NDNF: variants seen among roughly 807,000 people sequenced by gnomAD.
The protein encoded by NDNF is neuron derived neurotrophic factor.
NDNF carries 16 observed loss-of-function variants against 42.0 expected under a neutral mutation model. That is an observed-to-expected ratio of 0.38 (90% CI 0.26 to 0.58). The LOEUF is 0.58. NDNF is among the 20% of genes least tolerant of loss of function. NDNF has a pLI of 0.67. For synonymous variants in NDNF, 248 were observed against 251.7 expected, an observed-to-expected ratio of 0.99 and a Z score of 0.14; for missense variants, 616 against 666.2, an observed-to-expected ratio of 0.92 and a Z score of 0.83.
chr4:121,056,426 T>C (rs1467965307), intron 1 of NDNF, among the ~76,000 whole-genome samples: 1 of 152,216 alleles, frequency 6.6e-6, no homozygotes, highest in Non-Finnish European at 1.5e-5. Flanking sequence ...TTTTCATACA[T>C]TTTGCAATAC....
chr4:121,054,241 T>C (rs1235114613), intron 1 of NDNF, among the ~76,000 whole-genome samples: 2 of 152,166 alleles, frequency 1.3e-5, no homozygotes, highest in African/African-American at 2.4e-5. Flanking sequence ...TCTGAAAAAA[T>C]ATGTATCTTA....
At chr4:121,039,029 G>T (rs935591453) in intron 3 of NDNF, 5 of 145,482 alleles carry the variant, frequency 3.4e-5, no homozygotes, top group African/African-American at 1.3e-4. Flanking sequence ...TCTGTATCTT[G>T]GTCTCTTTAC....
intron 2 of NDNF, among the ~76,000 whole-genome samples, chr4:121,044,019 T>C (rs1727048610): frequency 6.6e-6 from 1 of 152,212 alleles, no homozygotes; most frequent in Admixed American, 6.5e-5. Flanking sequence ...TTCACTCCCA[T>C]GAATGTCATT....
rs560752724 is a variant in NDNF at position 121,054,828 on chromosome 4, C to T, written c.-1-8990G>A. Among the ~76,000 whole-genome samples, 17 of 152,170 alleles carry T rather than the reference C, an allele frequency of 1.1e-4. No individual in the cohort carries two copies. In the East Asian group the frequency reaches 2.5e-3, roughly 22 times the overall value. ...TTCTGTTCTAAGCGTGTTGGGAAGG[C>T]CCCCATTGCCAACTTTTTTGAGACA... On this transcript the variant is annotated intron_variant, in intron 1 of 3. Coordinates refer to ENST00000379692, the MANE Select transcript of NDNF (RefSeq NM_024574.4).
At position 121,037,380 on chromosome 4, in the gene NDNF, T is replaced by C. The variant is rs1285767932; in HGVS notation, c.591A>G (p.Lys197=). The C allele has an allele frequency of 1.2e-6, 2 of 1,614,134 alleles. No individual in the cohort carries two copies. Among genetic ancestry groups the C allele is most frequent in the Middle Eastern group, 1.6e-4 (1 of 6,062 alleles). ...LGRTTVTLAW[K]PSPTASLLKQ... ...TCAGCAAAGAGGCAGTGGGGCTTGG[T>C]TTCCAGGCCAAAGTGACCGTGGTGC... The change falls in exon 4 of 4, where the codon AAA becomes AAG. Residue 197 remains lysine, a synonymous_variant. Transcript: ENST00000379692.
At chr4:121,054,580 T>C (rs1727252362) in intron 1 of NDNF, among the ~76,000 whole-genome samples, 1 of 152,212 alleles carries the variant, frequency 6.6e-6, no homozygotes, top group African/African-American at 2.4e-5. Flanking sequence ...ATGACATTTA[T>C]GCTGTCATCT....
intron 1 of NDNF, among the ~76,000 whole-genome samples, chr4:121,066,126 G>A (rs1727495683): frequency 6.6e-6 from 1 of 152,008 alleles, no homozygotes; most frequent in Non-Finnish European, 1.5e-5. Flanking sequence ...TCCTGCTATT[G>A]CTATCATTAG....
chr4:121,054,670 G>A (rs1727254090), intron 1 of NDNF, among the ~76,000 whole-genome samples: 2 of 152,220 alleles, frequency 1.3e-5, no homozygotes, highest in African/African-American at 2.4e-5. Context: ...TGGTGCAAAG[G>A]CACCAAGGTT....
intron 1 of NDNF, 111 bp downstream of exon 1, chr4:121,071,882 G>A (rs1398862461): frequency 1.3e-5 from 2 of 151,952 alleles, no homozygotes; most frequent in Non-Finnish European, 2.9e-5. Context: ...CGCGTGCCTC[G>A]AGCCCCCATC....
intron 2 of NDNF, among the ~76,000 whole-genome samples, chr4:121,044,908 A>G (rs531025398): frequency 2.0e-5 from 3 of 152,296 alleles, no homozygotes; most frequent in African/African-American, 7.2e-5. Context: ...TGAGGCTACA[A>G]TGAGCCATGA....
Position 121,036,853 on chromosome 4 carries a change from T to C in NDNF, c.1118A>G (p.Lys373Arg), listed in dbSNP as rs777390211. 10 of 1,614,006 alleles carry C rather than the reference T, an allele frequency of 6.2e-6. No individual in the cohort carries two copies. In the Admixed American group the frequency reaches 1.2e-4, roughly 19 times the overall value. Reference protein sequence around the residue: ...LRFAPVSSHQKVTFFIHSCLD... With the variant: ...LRFAPVSSHQRVTFFIHSCLD... ...ACAAGAGTGAATAAAGAAGGTGACT[T>C]TTTGGTGAGAAGAGACTGGAGCAAA... The change falls in exon 4 of 4, where the codon AAA becomes AGA. Residue 373 changes from lysine (K) to arginine (R), a missense_variant. Coordinates refer to ENST00000379692, the MANE Select transcript of NDNF (RefSeq NM_024574.4).
intron 1 of NDNF, among the ~76,000 whole-genome samples, chr4:121,046,396 G>T (rs971852566): frequency 2.0e-5 from 3 of 151,952 alleles, no homozygotes; most frequent in Admixed American, 6.6e-5. Flanking sequence ...TCTGACTAGG[G>T]GTTATACATA....
chr4:121,054,552 G>A (rs1189120965), intron 1 of NDNF, among the ~76,000 whole-genome samples: 2 of 152,210 alleles, frequency 1.3e-5, no homozygotes, highest in Non-Finnish European at 2.9e-5. Flanking sequence ...AGTATTTAGA[G>A]AAGTTTTCCT....
chr4:121,049,339 T>C (rs1727150224), intron 1 of NDNF, among the ~76,000 whole-genome samples: 1 of 152,160 alleles, frequency 6.6e-6, no homozygotes, highest in Non-Finnish European at 1.5e-5. Flanking sequence ...CAGGCATGGC[T>C]ACCACCGATT....
In NDNF at chr4:121,036,700, T is replaced by C. The variant is rs752598151; in HGVS notation, c.1271A>G (p.Asn424Ser). The part of the protein sequence containing the change: ...KAKYLVRLKG[N>S]KKGASMLKIL... ...TTTCAACATAGATGCTCCTTTCTTG[T>C]TTCCTTTCAGTCGAACGAGGTATTT... The change falls in exon 4 of 4, where the codon AAC becomes AGC. Residue 424 changes from asparagine (N) to serine (S), a missense_variant. Physicochemically the swap from Asn to Ser is conservative, Grantham distance 46. Coordinates refer to ENST00000379692, the MANE Select transcript of NDNF (RefSeq NM_024574.4). The C allele has an allele frequency of 1.2e-6, 2 of 1,614,148 alleles. No individual in the cohort carries two copies. The highest frequency in any genetic ancestry group is 1.3e-5 in the African/African-American group (1 of 75,038).
At chr4:121,045,513 C>G in intron 2 of NDNF, 137 bp downstream of exon 2, 1 of 668,202 alleles carries the variant, frequency 1.5e-6, no homozygotes, top group Non-Finnish European at 2.5e-6. Flanking sequence ...GCCATGTTCC[C>G]CCTTACTTAC....
intron 1 of NDNF, among the ~76,000 whole-genome samples, chr4:121,067,221 G>T (rs368610593): frequency 6.6e-6 from 1 of 151,790 alleles, no homozygotes; most frequent in Non-Finnish European, 1.5e-5. Context: ...TAAAAAAGAC[G>T]GCAAATTATT....
At chr4:121,067,469 G>A (rs929469674) in intron 1 of NDNF, among the ~76,000 whole-genome samples, 7 of 152,084 alleles carry the variant, frequency 4.6e-5, no homozygotes, top group African/African-American at 2.4e-5. Context: ...AGTTTCCAAA[G>A]GATATGGAAG....
intron 1 of NDNF, among the ~76,000 whole-genome samples, chr4:121,062,791 G>A (rs1236497139): frequency 1.3e-5 from 2 of 152,064 alleles, no homozygotes; most frequent in Non-Finnish European, 2.9e-5. Context: ...ACAACGTTCA[G>A]TGATCATTAC....
Sources: allele counts gnomAD v4.1 joint callset (sites outside exome capture counted in the v4.1 genomes callset), GRCh38; gene constraint gnomAD v4.1.1; transcripts MANE v1.5; gene names NCBI Gene and HGNC (gene_info 2026-07-23, HGNC 2026-07-21).